Variants in FOXO3 observed in about 807,000 individuals in gnomAD.
The protein encoded by FOXO3 is forkhead box protein O3.
A neutral mutation model predicts 41.9 loss-of-function variants in FOXO3; 4 were observed. That is an observed-to-expected ratio of 0.10 (90% CI 0.05 to 0.22). The LOEUF (loss-of-function observed/expected upper bound fraction) is 0.22. Among genes scored for constraint, FOXO3 ranks in the 10% least tolerant of loss-of-function variants. FOXO3 has a pLI of 1.00. For synonymous variants in FOXO3, 318 were observed against 389.3 expected (o/e 0.82, Z 2.16); for missense variants, 534 against 906.8 (o/e 0.59, Z 5.28).
intron 2 of FOXO3, among the ~76,000 whole-genome samples, chr6:108,667,729 ATCT>A (rs149381602): frequency 0.022 from 3,349 of 152,350 alleles, 49 homozygotes; most frequent in Non-Finnish European, 0.032. Context: ...CTTTAGGGTC[ATCT>A]TCGCCTCAGA....
At chr6:108,623,434 C>G (rs958120540) in intron 1 of FOXO3, among the ~76,000 whole-genome samples, 5 of 152,154 alleles carry the variant, frequency 3.3e-5, no homozygotes, top group African/African-American at 1.2e-4. Flanking sequence ...CTTGCCACCC[C>G]CAGGTTCATC....
At chr6:108,606,559 G>A (rs1202525337) in intron 1 of FOXO3, among the ~76,000 whole-genome samples, 1 of 152,292 alleles carries the variant, frequency 6.6e-6, no homozygotes, top group East Asian at 1.9e-4. Context: ...CTATGATTAA[G>A]GCTTATCTAC....
At chr6:108,666,397 G>A (rs1365856705) in intron 2 of FOXO3, among the ~76,000 whole-genome samples, 1 of 151,484 alleles carries the variant, frequency 6.6e-6, no homozygotes, top group African/African-American at 2.4e-5. Flanking sequence ...GTACAGTGGC[G>A]CGATCTCGGC....
At chr6:108,605,371 C>T (rs750825944) in intron 1 of FOXO3, among the ~76,000 whole-genome samples, 3 of 152,172 alleles carry the variant, frequency 2.0e-5, no homozygotes, top group Non-Finnish European at 2.9e-5. Flanking sequence ...CCTGCCTTGA[C>T]CTCCCAAAGT....
chr6:108,661,436 A>G (rs916160750), intron 1 of FOXO3, among the ~76,000 whole-genome samples: 1 of 152,140 alleles, frequency 6.6e-6, no homozygotes, highest in Non-Finnish European at 1.5e-5. Context: ...TCTGGCCTGC[A>G]GGTACTGTTC....
At chr6:108,616,256 G>A (rs993140849) in intron 1 of FOXO3, among the ~76,000 whole-genome samples, 8 of 144,546 alleles carry the variant, frequency 5.5e-5, no homozygotes, top group Admixed American at 3.7e-4. Flanking sequence ...GCTCCGCCTC[G>A]TGGGTTCACA....
intron 1 of FOXO3, among the ~76,000 whole-genome samples, chr6:108,645,678 CTGAAAAGCACTTTTA>C (rs1180540748): frequency 3.3e-5 from 5 of 152,150 alleles, no homozygotes; most frequent in Non-Finnish European, 5.9e-5. Flanking sequence ...AAGTCATTCA[CTGAAAAGCACTTTTA>C]AAGTGCCTGA....
chr6:108,607,470 A>G (rs1777241043), intron 1 of FOXO3, among the ~76,000 whole-genome samples: 1 of 150,654 alleles, frequency 6.6e-6, no homozygotes, highest in Non-Finnish European at 1.5e-5. Context: ...AAAAAAGAAG[A>G]AGGAGTTTCT....
chr6:108,677,657 C>T (rs931299498), intron 2 of FOXO3, among the ~76,000 whole-genome samples: 3 of 152,138 alleles, frequency 2.0e-5, no homozygotes, highest in African/African-American at 7.2e-5. Context: ...GATGACTGAT[C>T]ACATAGTGAT....
At chr6:108,571,886 CTT>C (rs1197591513) in intron 1 of FOXO3, among the ~76,000 whole-genome samples, 2 of 152,164 alleles carry the variant, frequency 1.3e-5, no homozygotes, top group Admixed American at 6.5e-5. Flanking sequence ...AATAAAAAGA[CTT>C]TATTTAGATT....
chr6:108,648,857 T>C (rs1032242407), intron 1 of FOXO3, among the ~76,000 whole-genome samples: 18 of 150,780 alleles, frequency 1.2e-4, no homozygotes, highest in African/African-American at 4.1e-4. Flanking sequence ...ATTAGTGAAG[T>C]GTAGGGGCGC....
At chr6:108,632,192 C>G (rs766337576) in intron 1 of FOXO3, among the ~76,000 whole-genome samples, 1 of 152,096 alleles carries the variant, frequency 6.6e-6, no homozygotes, top group African/African-American at 2.4e-5. Context: ...GTTTTAGATG[C>G]GGTGCTAGGC....
intron 1 of FOXO3, among the ~76,000 whole-genome samples, chr6:108,602,582 G>A (rs954185563): frequency 2.0e-5 from 3 of 150,902 alleles, no homozygotes; most frequent in African/African-American, 7.4e-5. Context: ...TGTTGCTGCT[G>A]TCTGTTATTT....
intron 1 of FOXO3, among the ~76,000 whole-genome samples, chr6:108,566,343 T>C (rs903814593): frequency 6.6e-6 from 1 of 152,236 alleles, no homozygotes. Flanking sequence ...AGAACATCTT[T>C]TAGTTAAACT....
At chr6:108,675,020 A>G (rs1299670293) in intron 2 of FOXO3, among the ~76,000 whole-genome samples, 4 of 152,164 alleles carry the variant, frequency 2.6e-5, no homozygotes, top group Non-Finnish European at 5.9e-5. Context: ...TTTCTGCCAC[A>G]TTAGTATTCA....
At chr6:108,674,372 T>A (rs756440387) in intron 2 of FOXO3, among the ~76,000 whole-genome samples, 6 of 152,200 alleles carry the variant, frequency 3.9e-5, no homozygotes, top group Non-Finnish European at 8.8e-5. Flanking sequence ...CCTTGGGACA[T>A]CAAGAAAACT....
intron 1 of FOXO3, among the ~76,000 whole-genome samples, chr6:108,590,362 A>G (rs1014881060): frequency 5.3e-5 from 8 of 152,180 alleles, no homozygotes; most frequent in African/African-American, 1.9e-4. Context: ...ATGCTCCAAA[A>G]TCTGAAACTT....
chr6:108,574,172 A>G (rs1430949474), intron 1 of FOXO3, among the ~76,000 whole-genome samples: 1 of 150,806 alleles, frequency 6.6e-6, no homozygotes, highest in Non-Finnish European at 1.5e-5. Context: ...AAAAAAAAAA[A>G]GAAGAATTAG....
At chr6:108,673,354 A>G (rs906666536) in intron 2 of FOXO3, among the ~76,000 whole-genome samples, 7 of 152,190 alleles carry the variant, frequency 4.6e-5, no homozygotes, top group African/African-American at 1.7e-4. Flanking sequence ...TCCCCTCACT[A>G]CCGGAATCTG....
Sources: allele counts gnomAD v4.1 joint callset (sites outside exome capture counted in the v4.1 genomes callset), GRCh38; gene constraint gnomAD v4.1.1; transcripts MANE v1.5; gene names NCBI Gene and HGNC (gene_info 2026-07-23, HGNC 2026-07-21).